PPID: variants seen among roughly 807,000 people sequenced by gnomAD.
PPID encodes the protein peptidylprolyl isomerase D.
PPID carries 47 observed loss-of-function variants against 48.1 expected under a neutral mutation model. The observed-to-expected ratio is 0.98, with a 90% CI of 0.77 to 1.25. The LOEUF (loss-of-function observed/expected upper bound fraction) is 1.25, where lower values mean the gene tolerates loss of function less well. PPID is among the 50% of genes most tolerant of loss of function. The pLI is 0.00. For synonymous variants in PPID, 163 were observed against 148.8 expected, an observed-to-expected ratio of 1.10 and a Z score of -0.69; for missense variants, 429 against 443.5, an observed-to-expected ratio of 0.97 and a Z score of 0.29.
chr4:158,723,088 C>T (rs1483388514), intron 1 of PPID, 116 bp downstream of exon 1: 3 of 1,045,548 alleles, frequency 2.9e-6, no homozygotes, highest in Non-Finnish European at 4.3e-6. Context: ...GGCAGCCATC[C>T]CCTCCGCGAA....
rs1271505174 is a variant in PPID, at chr4:158,721,401, T to C, written c.168A>G (p.Lys56=). The change falls in exon 2 of 10, where the codon AAA becomes AAG. Residue 56 remains lysine, a synonymous_variant. Coordinates refer to ENST00000307720, the MANE Select transcript of PPID (RefSeq NM_005038.3). The part of the protein sequence containing the change: ...ENFRALCTGE[K]GIGHTTGKPL... ...GTTTCCCAGTCGTGTGTCCAATGCC[T>C]TTTTCTCCTGTACACAGTGCACGAA... 7.4e-6 allele frequency: 12 copies of C among 1,613,496 alleles called. No individual in the cohort carries two copies. The highest frequency in any genetic ancestry group is 1.0e-5 in the Non-Finnish European group (12 of 1,179,548).
chr4:158,720,697 ATTT>A (rs776669905), intron 2 of PPID, among the ~76,000 whole-genome samples: 1 of 58,008 alleles, frequency 1.7e-5, no homozygotes, highest in Non-Finnish European at 3.8e-5. Flanking sequence ...AAAATTATGC[ATTT>A]TTTTGTTTGT....
chr4:158,714,494 G>C (rs114186855), intron 6 of PPID, among the ~76,000 whole-genome samples: 1 of 151,874 alleles, frequency 6.6e-6, no homozygotes, highest in African/African-American at 2.4e-5. Flanking sequence ...GGTAGGAAAC[G>C]TAAGAGATAC....
In PPID at chr4:158,709,637, A is replaced by C. The variant is rs1243576790; in HGVS notation, c.*99T>G. Reference sequence around the variant, plus strand: ...GTAAACAGTAAGGAACTAAGGTGTCAAAAGAAACACATTAGGGATCATATT... The same window carrying C: ...GTAAACAGTAAGGAACTAAGGTGTCCAAAGAAACACATTAGGGATCATATT... On this transcript the variant is annotated 3_prime_UTR_variant, in exon 10 of 10. Coordinates refer to ENST00000307720, the MANE Select transcript of PPID (RefSeq NM_005038.3). The C allele has an allele frequency of 1.1e-6, 1 of 884,012 alleles. No homozygotes were observed. The highest frequency in any genetic ancestry group is 2.6e-5 in the East Asian group (1 of 38,464). The allele number at this position is 884,012 out of a possible 1,614,324, so 54.8% of individuals were successfully genotyped here.
intron 3 of PPID, among the ~76,000 whole-genome samples, chr4:158,717,653 G>GCA (rs1774894300): frequency 6.6e-6 from 1 of 152,166 alleles, no homozygotes; most frequent in Admixed American, 6.5e-5. Flanking sequence ...TACAGTATAA[G>GCA]TCTTCCTTTA....
At chr4:158,712,521 C>A (rs1774806557) in intron 7 of PPID, among the ~76,000 whole-genome samples, 1 of 152,162 alleles carries the variant, frequency 6.6e-6, no homozygotes, top group Admixed American at 6.5e-5. Flanking sequence ...CTTTGGGAGG[C>A]CAAGGCGGGT....
intron 3 of PPID, among the ~76,000 whole-genome samples, chr4:158,718,123 C>T (rs370166913): frequency 2.0e-5 from 3 of 152,230 alleles, no homozygotes; most frequent in Admixed American, 6.5e-5. Context: ...GTGATCATCA[C>T]ATCACCTTTA....
chr4:158,718,954 A>G (rs1277828459), intron 3 of PPID, among the ~76,000 whole-genome samples: 1 of 152,256 alleles, frequency 6.6e-6, no homozygotes, highest in East Asian at 1.9e-4. Flanking sequence ...CACTGGCTTA[A>G]CTGAAGCATA....
intron 7 of PPID, 77 bp from the exon 8 acceptor site, chr4:158,710,925 A>G (rs1774780738): frequency 1.3e-5 from 16 of 1,276,622 alleles, no homozygotes; most frequent in African/African-American, 4.5e-5. Flanking sequence ...TTGCCTATCA[A>G]CTCCAAACCC....
chr4:158,717,371 TA>T (rs1235928104), intron 3 of PPID, among the ~76,000 whole-genome samples, 171 bp from the exon 4 acceptor site: 4 of 152,326 alleles, frequency 2.6e-5, no homozygotes, highest in African/African-American at 9.6e-5. Context: ...AATTACTTTT[TA>T]TTTTTTTATA....
intron 3 of PPID, 99 bp from the exon 4 acceptor site, chr4:158,717,299 G>A: frequency 9.0e-7 from 1 of 1,111,326 alleles, no homozygotes; most frequent in Admixed American, 3.0e-5. Flanking sequence ...TAAAACTGGG[G>A]TGCACTATAC....
chr4:158,721,312 GAAT>G, intron 2 of PPID, 28 bp downstream of exon 2: 1 of 1,607,000 alleles, frequency 6.2e-7, no homozygotes. Context: ...TCTGTATGAA[GAAT>G]AACAAGATTA....
chr4:158,720,698 TTTTTTTG>T (rs1774942777), intron 2 of PPID, among the ~76,000 whole-genome samples: 3 of 107,054 alleles, frequency 2.8e-5, no homozygotes, highest in African/African-American at 9.5e-5. Context: ...AAATTATGCA[TTTTTTTG>T]TTTGTTTGTT....
At chr4:158,710,373 TAC>T (rs1561253956) in intron 9 of PPID, 2 of 566,772 alleles carry the variant, frequency 3.5e-6, no homozygotes, top group Admixed American at 3.2e-5. Context: ...TATAAAAAAC[TAC>T]AGAGATGATA....
chr4:158,712,189 A>G (rs1467716567), intron 7 of PPID, among the ~76,000 whole-genome samples: 1 of 152,218 alleles, frequency 6.6e-6, no homozygotes, highest in Non-Finnish European at 1.5e-5. Context: ...GAAGAGAGTC[A>G]TAATTGCTCT....
chr4:158,711,920 T>C (rs1240881211), intron 7 of PPID, among the ~76,000 whole-genome samples: 1 of 152,164 alleles, frequency 6.6e-6, no homozygotes, highest in Non-Finnish European at 1.5e-5. Context: ...TGAGCTTTGA[T>C]TGCATCACTG....
chr4:158,713,371 T>C, intron 6 of PPID, 111 bp from the exon 7 acceptor site: 1 of 1,113,560 alleles, frequency 9.0e-7, no homozygotes, highest in Non-Finnish European at 1.2e-6. Flanking sequence ...CTAAAAATGC[T>C]ATTAATAATC....
intron 3 of PPID, among the ~76,000 whole-genome samples, chr4:158,717,959 T>G (rs951522818): frequency 1.3e-5 from 2 of 152,206 alleles, no homozygotes; most frequent in Non-Finnish European, 2.9e-5. Context: ...GCACCGTAAC[T>G]CTCATGTTAT....
At chr4:158,714,872 G>A (rs563411492) in intron 6 of PPID, among the ~76,000 whole-genome samples, 3 of 152,220 alleles carry the variant, frequency 2.0e-5, no homozygotes. Context: ...TTATAGGCAT[G>A]AGCCACTATG....
Sources: allele counts gnomAD v4.1 joint callset (sites outside exome capture counted in the v4.1 genomes callset), GRCh38; gene constraint gnomAD v4.1.1; transcripts MANE v1.5; gene names NCBI Gene and HGNC (gene_info 2026-07-23, HGNC 2026-07-21).